AGBL4: variants seen among roughly 807,000 people sequenced by gnomAD.
AGBL4 encodes AGBL carboxypeptidase 4.
Under a neutral mutation model 66.4 loss-of-function variants are expected in AGBL4, and 58 were observed. That is an observed-to-expected ratio of 0.87 (90% CI 0.71 to 1.09). The LOEUF (loss-of-function observed/expected upper bound fraction) is 1.09. Ranked by LOEUF, AGBL4 falls within the 50% of genes least tolerant of loss-of-function variation. The pLI is 0.00. For missense variants in AGBL4, 579 were observed against 631.0 expected, an observed-to-expected ratio of 0.92 and a Z score of 0.88; for synonymous variants, 234 against 222.9, an observed-to-expected ratio of 1.05 and a Z score of -0.44.
At chr1:49,869,995 G>A (rs961335893) in intron 1 of AGBL4, among the ~76,000 whole-genome samples, 7 of 152,104 alleles carry the variant, frequency 4.6e-5, no homozygotes, top group African/African-American at 1.4e-4. Context: ...AATGATAAAT[G>A]TTTGAGGTAA....
chr1:49,000,152 T>C (rs951107472), intron 5 of AGBL4, among the ~76,000 whole-genome samples: 2 of 152,206 alleles, frequency 1.3e-5, no homozygotes, highest in Non-Finnish European at 2.9e-5. Flanking sequence ...ATTATTCCTA[T>C]TTTATAGATG....
At chr1:49,397,013 T>C (rs950611788) in intron 3 of AGBL4, among the ~76,000 whole-genome samples, 1 of 152,150 alleles carries the variant, frequency 6.6e-6, no homozygotes, top group Non-Finnish European at 1.5e-5. Context: ...CCTAGATCCC[T>C]CGCATGCACA....
intron 5 of AGBL4, among the ~76,000 whole-genome samples, chr1:48,950,430 G>A (rs992083443): frequency 8.5e-5 from 13 of 152,286 alleles, no homozygotes; most frequent in Middle Eastern, 3.4e-3. Flanking sequence ...AAACTGAAAC[G>A]TAGGGAGATT....
chr1:48,999,444 G>A (rs1197387552), intron 5 of AGBL4, among the ~76,000 whole-genome samples: 1 of 152,134 alleles, frequency 6.6e-6, no homozygotes, highest in Non-Finnish European at 1.5e-5. Flanking sequence ...TCCTCTCTCA[G>A]TAATTACATT....
At chr1:48,757,127 C>G (rs932836223) in intron 6 of AGBL4, among the ~76,000 whole-genome samples, 1 of 152,164 alleles carries the variant, frequency 6.6e-6, no homozygotes, top group Admixed American at 6.5e-5. Context: ...CAGGTAGTTT[C>G]CCTGGGAGTT....
At chr1:49,603,532 AAATAAAT>A (rs1645003021) in intron 3 of AGBL4, among the ~76,000 whole-genome samples, 4 of 30,492 alleles carry the variant, frequency 1.3e-4, no homozygotes, top group Non-Finnish European at 4.3e-4. Flanking sequence ...CTCAAAAAAT[AAATAAAT>A]AAATAAATAA....
intron 2 of AGBL4, among the ~76,000 whole-genome samples, chr1:49,775,360 A>G (rs772999135): frequency 1.3e-5 from 2 of 152,300 alleles, no homozygotes; most frequent in African/African-American, 4.8e-5. Context: ...CTGTTATTCA[A>G]TAAGTACTAA....
intron 4 of AGBL4, among the ~76,000 whole-genome samples, chr1:49,175,985 T>TCCC (rs1646823515): frequency 6.6e-6 from 1 of 152,076 alleles, no homozygotes; most frequent in Non-Finnish European, 1.5e-5. Context: ...TGATCAGAAG[T>TCCC]TTTTCCTGCC....
At chr1:49,895,402 T>C (rs1221584791) in intron 1 of AGBL4, among the ~76,000 whole-genome samples, 1 of 151,994 alleles carries the variant, frequency 6.6e-6, no homozygotes, top group Non-Finnish European at 1.5e-5. Flanking sequence ...GAAAACAGAA[T>C]GTTATAACAT....
At chr1:49,657,803 A>G (rs1203786873) in intron 3 of AGBL4, among the ~76,000 whole-genome samples, 1 of 152,204 alleles carries the variant, frequency 6.6e-6, no homozygotes, top group Non-Finnish European at 1.5e-5. Flanking sequence ...CTGGCTAGCC[A>G]TATGTAGAAA....
chr1:49,949,205 C>CA (rs937685268), intron 1 of AGBL4, among the ~76,000 whole-genome samples: 7 of 151,170 alleles, frequency 4.6e-5, no homozygotes, highest in African/African-American at 1.7e-4. Context: ...TCATCTTATA[C>CA]AAAAATCAAC....
At chr1:49,210,773 G>C (rs555669521) in intron 4 of AGBL4, among the ~76,000 whole-genome samples, 10 of 151,932 alleles carry the variant, frequency 6.6e-5, no homozygotes, top group Non-Finnish European at 1.5e-4. Flanking sequence ...TGAACACAAG[G>C]TGAGCCCTGA....
intron 4 of AGBL4, among the ~76,000 whole-genome samples, chr1:49,229,060 C>T (rs905935010): frequency 2.6e-5 from 4 of 152,162 alleles, no homozygotes; most frequent in African/African-American, 2.4e-5. Context: ...ATACCCTTCC[C>T]GTTGCCAGGG....
At chr1:48,544,534 T>C (rs1401280345) in intron 11 of AGBL4, among the ~76,000 whole-genome samples, 1 of 152,216 alleles carries the variant, frequency 6.6e-6, no homozygotes, top group Non-Finnish European at 1.5e-5. Context: ...AGTAGTATAC[T>C]TACTCTTCCC....
intron 3 of AGBL4, among the ~76,000 whole-genome samples, chr1:49,484,787 G>A (rs574907461): frequency 1.2e-4 from 19 of 152,096 alleles, no homozygotes; most frequent in African/African-American, 3.9e-4. Flanking sequence ...AAAAGCTTGA[G>A]GGGATAAATA....
At chr1:49,680,432 T>C (rs1047885754) in intron 3 of AGBL4, among the ~76,000 whole-genome samples, 7 of 152,030 alleles carry the variant, frequency 4.6e-5, no homozygotes, top group African/African-American at 1.4e-4. Context: ...TTATTAGTTT[T>C]CCTTCATTCA....
rs147961712 is a variant in AGBL4, at chr1:49,856,620, C to A, written c.35-5102G>T. Among the ~76,000 whole-genome samples the A allele has an allele frequency of 3.3e-3, 509 of 152,040 alleles. 5 individuals carry two copies. Among genetic ancestry groups the A allele is most frequent in the African/African-American group, 0.012 (492 of 41,508 alleles). ...TATAACACATCAACAGAATGAAGGA[C>A]AAAAACTGTATGATCACCTTAATAG... On this transcript the variant is annotated intron_variant, in intron 1 of 13. Transcript: ENST00000371839.
intron 1 of AGBL4, among the ~76,000 whole-genome samples, chr1:49,938,139 T>C (rs9436441): frequency 0.66 from 97,748 of 147,932 alleles, 33,032 homozygotes; most frequent in Middle Eastern, 0.71. Flanking sequence ...ATCAAATAGA[T>C]GCAATAAAAA....
intron 6 of AGBL4, among the ~76,000 whole-genome samples, chr1:48,710,756 C>T (rs1382869247): frequency 3.9e-5 from 6 of 152,146 alleles, no homozygotes; most frequent in Non-Finnish European, 5.9e-5. Context: ...ATAGGCCCTG[C>T]GCTGGGAAGA....
Sources: allele counts gnomAD v4.1 joint callset (sites outside exome capture counted in the v4.1 genomes callset), GRCh38; gene constraint gnomAD v4.1.1; transcripts MANE v1.5; gene names NCBI Gene and HGNC (gene_info 2026-07-23, HGNC 2026-07-21).